ASTN2: variants seen among roughly 807,000 people sequenced by gnomAD.
ASTN2 encodes the protein astrotactin-2.
Under a neutral mutation model 139.8 loss-of-function variants are expected in ASTN2, and 54 were observed. The ratio of observed to expected loss-of-function variants is 0.39; its 90% CI spans 0.31 to 0.48. The LOEUF (loss-of-function observed/expected upper bound fraction) is 0.48. ASTN2 is among the 20% of genes least tolerant of loss of function. ASTN2 has a pLI of 0.95. For missense variants in ASTN2, 1,565 were observed against 1,725.1 expected, an observed-to-expected ratio of 0.91 and a Z score of 1.64; for synonymous variants, 756 against 719.5, an observed-to-expected ratio of 1.05 and a Z score of -0.81.
intron 10 of ASTN2, among the ~76,000 whole-genome samples, chr9:116,957,905 T>G (rs1238824104): frequency 6.6e-6 from 1 of 152,164 alleles, no homozygotes; most frequent in East Asian, 1.9e-4. Flanking sequence ...GGTCTCGATC[T>G]CCTGACCTCG....
intron 16 of ASTN2, among the ~76,000 whole-genome samples, 175 bp downstream of exon 16, chr9:116,725,596 T>TC (rs1828597793): frequency 6.6e-6 from 1 of 152,062 alleles, no homozygotes; most frequent in African/African-American, 2.4e-5. Flanking sequence ...ATACGATCCC[T>TC]CACTCTGCCC....
At chr9:116,901,854 C>G (rs145315416) in intron 10 of ASTN2, among the ~76,000 whole-genome samples, 1,535 of 152,124 alleles carry the variant, frequency 0.01, 27 homozygotes, top group African/African-American at 0.035. Context: ...ATGGTGAAAC[C>G]CTGTCTCTAT....
Position 116,698,993 on chromosome 9 carries a change from T to G in ASTN2, c.2806+26778A>C. On this transcript the variant is annotated intron_variant, in intron 16 of 22. Transcript: ENST00000313400. This position sits in a 1 kb window ranked among gnomAD's most constrained non-coding sequence, Gnocchi z 4.4. ...GCAGCCCCAGTGGCATTGATAGCTT[T>G]GTGCTAAGCTTCCTTGGGGCAGATC... 1 of 1,614,144 alleles carries G rather than the reference T, an allele frequency of 6.2e-7. No individual in the cohort carries two copies. Among genetic ancestry groups the G allele is most frequent in the Non-Finnish European group, 8.5e-7 (1 of 1,180,020 alleles).
intron 13 of ASTN2, among the ~76,000 whole-genome samples, chr9:116,760,091 A>G (rs1009584980): frequency 6.6e-6 from 1 of 152,162 alleles, no homozygotes; most frequent in Non-Finnish European, 1.5e-5. Context: ...AAAAAATAAG[A>G]TATCATTATT....
At chr9:117,090,505 C>T (rs1390535192) in intron 5 of ASTN2, among the ~76,000 whole-genome samples, 1 of 152,202 alleles carries the variant, frequency 6.6e-6, no homozygotes, top group Admixed American at 6.5e-5. Context: ...TACTTCCAAA[C>T]TATATGTCAA....
intron 19 of ASTN2, among the ~76,000 whole-genome samples, chr9:116,607,972 C>A (rs1855303629): frequency 1.3e-5 from 2 of 151,880 alleles, no homozygotes; most frequent in African/African-American, 4.8e-5. Context: ...AACAAACAAA[C>A]AAAAAAACAT....
At chr9:116,871,679 T>A (rs1833171167) in intron 10 of ASTN2, among the ~76,000 whole-genome samples, 1 of 152,388 alleles carries the variant, frequency 6.6e-6, no homozygotes, top group Non-Finnish European at 1.5e-5. Flanking sequence ...TATTCCATTA[T>A]ATAGATATTC....
chr9:116,782,041 C>A (rs983594305), intron 13 of ASTN2, among the ~76,000 whole-genome samples: 1 of 152,102 alleles, frequency 6.6e-6, no homozygotes, highest in East Asian at 1.9e-4. Context: ...ATGCTGCCTC[C>A]GACAGTGAGA....
At chr9:116,747,628 C>A (rs1489143417) in intron 13 of ASTN2, among the ~76,000 whole-genome samples, 2 of 151,986 alleles carry the variant, frequency 1.3e-5, no homozygotes, top group South Asian at 2.1e-4. Flanking sequence ...ATCTCTCCAA[C>A]CATAGTCACA....
At chr9:116,885,327 C>A (rs887000631) in intron 10 of ASTN2, among the ~76,000 whole-genome samples, 2 of 151,984 alleles carry the variant, frequency 1.3e-5, no homozygotes, top group East Asian at 3.9e-4. Context: ...TTAAAGGTAC[C>A]CCATGAATAA....
intron 3 of ASTN2, chr9:117,180,862 T>G: frequency 6.4e-7 from 1 of 1,570,416 alleles, no homozygotes; most frequent in Non-Finnish European, 8.7e-7. Flanking sequence ...GATCTTCTGG[T>G]GGCCAGGAAA....
intron 6 of ASTN2, among the ~76,000 whole-genome samples, chr9:117,032,844 A>T (rs902235508): frequency 6.6e-6 from 1 of 152,196 alleles, no homozygotes; most frequent in African/African-American, 2.4e-5. Flanking sequence ...TGGGCTAAGA[A>T]GCCATACTCA....
intron 15 of ASTN2, among the ~76,000 whole-genome samples, chr9:116,726,737 G>A (rs1828635957): frequency 6.6e-6 from 1 of 151,846 alleles, no homozygotes; most frequent in Non-Finnish European, 1.5e-5. Context: ...CTTAACATGG[G>A]GCCTGCACAG....
intron 5 of ASTN2, among the ~76,000 whole-genome samples, chr9:117,044,874 T>G (rs1838686311): frequency 6.6e-6 from 1 of 152,224 alleles, no homozygotes; most frequent in South Asian, 2.1e-4. Flanking sequence ...CATTGAATCC[T>G]CTCAGCTAAG....
intron 11 of ASTN2, among the ~76,000 whole-genome samples, chr9:116,838,106 T>TC (rs1832064232): frequency 7.2e-6 from 1 of 138,624 alleles, no homozygotes; most frequent in South Asian, 2.5e-4. Context: ...GCTGTGTTTT[T>TC]TTTTGTTTTG....
At chr9:116,884,811 C>CA (rs1445485211) in intron 10 of ASTN2, among the ~76,000 whole-genome samples, 1 of 126,414 alleles carries the variant, frequency 7.9e-6, no homozygotes, top group Non-Finnish European at 1.6e-5. Flanking sequence ...CCGCCCCCCC[C>CA]CCACCCACTT....
intron 5 of ASTN2, among the ~76,000 whole-genome samples, chr9:117,063,503 G>A (rs56698479): frequency 0.1 from 15,795 of 152,140 alleles, 1,055 homozygotes; most frequent in East Asian, 0.19. Context: ...AATATAAGAC[G>A]TGCCTTTCAC....
intron 4 of ASTN2, among the ~76,000 whole-genome samples, chr9:117,120,303 C>T (rs1368629416): frequency 2.0e-5 from 3 of 151,850 alleles, no homozygotes; most frequent in African/African-American, 7.3e-5. Context: ...ACAACATGCC[C>T]ACTTTCTGGA....
intron 1 of ASTN2, among the ~76,000 whole-genome samples, chr9:117,293,993 C>T (rs536782408): frequency 7.9e-5 from 12 of 152,186 alleles, no homozygotes; most frequent in South Asian, 2.1e-4. Flanking sequence ...GAAGGCGGAG[C>T]GAGCAGAGGG....
Sources: allele counts gnomAD v4.1 joint callset (sites outside exome capture counted in the v4.1 genomes callset), GRCh38; gene constraint gnomAD v4.1.1; non-coding constraint Gnocchi (gnomAD v3.1); transcripts MANE v1.5; gene names NCBI Gene and HGNC (gene_info 2026-07-23, HGNC 2026-07-21).